KCNJ4: variants seen among roughly 807,000 people sequenced by gnomAD.
KCNJ4 encodes inward rectifier potassium channel 4.
Under a neutral mutation model 25.6 loss-of-function variants are expected in KCNJ4, and 3 were observed. The ratio of observed to expected loss-of-function variants is 0.12; its 90% CI spans 0.05 to 0.30. The LOEUF (loss-of-function observed/expected upper bound fraction) is 0.30. Among genes scored for constraint, KCNJ4 ranks in the 10% least tolerant of loss-of-function variants. KCNJ4 has a pLI of 1.00. For synonymous variants in KCNJ4, 257 were observed against 283.9 expected, an observed-to-expected ratio of 0.91 and a Z score of 0.95; for missense variants, 286 against 666.8, an observed-to-expected ratio of 0.43 and a Z score of 6.29.
At position 38,427,143 on chromosome 22, in the gene KCNJ4, C is replaced by T. The variant is rs1399379554; in HGVS notation, c.990G>A (p.Lys330=). The T allele has an allele frequency of 1.2e-6, 2 of 1,613,138 alleles. No homozygotes were observed. The highest frequency in any genetic ancestry group is 2.2e-5 in the East Asian group (1 of 44,858). Residue 330 remains lysine, a synonymous_variant, in exon 2 of 2, where the codon AAG becomes AAA. Coordinates refer to ENST00000303592, the MANE Select transcript of KCNJ4 (RefSeq NM_152868.3). ...PVVFEEKSHY[K]VDYSRFHKTY... is the part of the protein sequence containing the mutation. ...TCTTGTGAAAACGTGAGTAGTCCAC[C>T]TTGTAGTGGCTCTTCTCCTCGAAGA... is the stretch of plus-strand genomic sequence containing the variant.
intron 1 of KCNJ4, among the ~76,000 whole-genome samples, chr22:38,432,779 A>G (rs2093054161): frequency 6.6e-6 from 1 of 151,948 alleles, no homozygotes; most frequent in South Asian, 2.1e-4. Context: ...GACCAGCCTG[A>G]GCAACATGGC....
intron 1 of KCNJ4, among the ~76,000 whole-genome samples, chr22:38,450,857 A>G (rs1004843521): frequency 4.6e-5 from 7 of 152,080 alleles, no homozygotes; most frequent in Non-Finnish European, 7.4e-5. Context: ...GGGGGCGTCT[A>G]GACCATCTCC....
intron 1 of KCNJ4, among the ~76,000 whole-genome samples, chr22:38,428,473 G>T (rs1283384762): frequency 6.6e-6 from 1 of 152,176 alleles, no homozygotes; most frequent in Non-Finnish European, 1.5e-5. Context: ...TATGCTCACT[G>T]TTCTGGAAGC....
chr22:38,445,508 G>C (rs927734112), intron 1 of KCNJ4, among the ~76,000 whole-genome samples: 2 of 151,948 alleles, frequency 1.3e-5, no homozygotes, highest in African/African-American at 2.4e-5. Flanking sequence ...TTTAGAGACA[G>C]AGTCTTGCTC....
At position 38,429,083 on chromosome 22, in the gene KCNJ4, CAAAAAA is replaced by C. The variant is rs10582408; in HGVS notation, c.-39-918_-39-913del. Among the ~76,000 whole-genome samples, 251 of 108,854 alleles carry C rather than the reference CAAAAAA, an allele frequency of 2.3e-3. 2 individuals carry two copies. The highest frequency in any genetic ancestry group is 9.1e-3 in the Middle Eastern group (2 of 220). 71.4% of individuals were successfully genotyped at this position (108,854 alleles called of 152,430 possible). On this transcript the variant is annotated intron_variant, in intron 1 of 1. Transcript: ENST00000303592. ...TGGGTCACAGAGCAAGACCCCATGT[CAAAAAA>C]AAAAAAAAAAAAAAAAAGAAAGAAA...
At chr22:38,446,262 G>A (rs1012322559) in intron 1 of KCNJ4, among the ~76,000 whole-genome samples, 23 of 152,340 alleles carry the variant, frequency 1.5e-4, no homozygotes, top group Non-Finnish European at 2.4e-4. Context: ...TCAGGGAGCC[G>A]GGACAGCTCT....
At chr22:38,431,765 C>A (rs969422942) in intron 1 of KCNJ4, among the ~76,000 whole-genome samples, 2 of 152,200 alleles carry the variant, frequency 1.3e-5, no homozygotes, top group Non-Finnish European at 2.9e-5. Context: ...TCGAGGCTGA[C>A]CCGTGCAAGG....
At chr22:38,431,007 G>A (rs1169550044) in intron 1 of KCNJ4, among the ~76,000 whole-genome samples, 1 of 152,244 alleles carries the variant, frequency 6.6e-6, no homozygotes, top group Non-Finnish European at 1.5e-5. Context: ...GGCAAGGGAA[G>A]AGAAGAAACC....
chr22:38,444,394 C>T (rs553148167), intron 1 of KCNJ4, among the ~76,000 whole-genome samples: 1 of 152,320 alleles, frequency 6.6e-6, no homozygotes, highest in African/African-American at 2.4e-5. Flanking sequence ...CGGAGGTGGC[C>T]TCTGAGCAGT....
chr22:38,429,862 T>C (rs1036978640), intron 1 of KCNJ4, among the ~76,000 whole-genome samples: 1 of 152,218 alleles, frequency 6.6e-6, no homozygotes, highest in Admixed American at 6.5e-5. Context: ...TTCTGTTCTA[T>C]TCTTCTTCCT....
At chr22:38,433,473 C>T (rs1328731866) in intron 1 of KCNJ4, among the ~76,000 whole-genome samples, 4 of 151,982 alleles carry the variant, frequency 2.6e-5, no homozygotes, top group African/African-American at 9.7e-5. Flanking sequence ...AAAATAAACA[C>T]AAAAATTGAT....
rs1329730958 is a variant in KCNJ4 at position 38,439,854 on chromosome 22, G to T, written c.-39-11683C>A. The stretch of plus-strand genomic sequence containing the variant: ...GCCTGTAATCCCAGCACTTTGGGAG[G>T]CCAAGGCAGGCAGATCACGAGGTCA... On this transcript the variant is annotated intron_variant, in intron 1 of 1. Coordinates refer to ENST00000303592, the MANE Select transcript of KCNJ4 (RefSeq NM_152868.3). Among the ~76,000 whole-genome samples the T allele has an allele frequency of 2.0e-5, 3 of 149,534 alleles. No homozygotes were observed. In the South Asian group the frequency reaches 6.3e-4, roughly 32 times the overall value.
intron 1 of KCNJ4, among the ~76,000 whole-genome samples, chr22:38,429,132 G>A (rs908340609): frequency 1.3e-5 from 2 of 149,422 alleles, no homozygotes; most frequent in South Asian, 2.1e-4. Context: ...ACTGGGACCC[G>A]CAGCCCCACC....
chr22:38,429,577 C>T (rs947422541), intron 1 of KCNJ4, among the ~76,000 whole-genome samples: 32 of 152,224 alleles, frequency 2.1e-4, no homozygotes, highest in Non-Finnish European at 4.3e-4. Flanking sequence ...ACCCTCCTGC[C>T]TTCCTTCCCA....
chr22:38,433,844 G>T (rs1219318349), intron 1 of KCNJ4, among the ~76,000 whole-genome samples: 2 of 152,166 alleles, frequency 1.3e-5, no homozygotes, highest in African/African-American at 4.8e-5. Context: ...CCTCCTGGGG[G>T]TCCAGAGGAG....
intron 1 of KCNJ4, among the ~76,000 whole-genome samples, chr22:38,429,999 C>G (rs896826246): frequency 1.3e-5 from 2 of 152,198 alleles, no homozygotes; most frequent in East Asian, 3.8e-4. Flanking sequence ...CTGCCTCTTC[C>G]CAAGAGAAAC....
intron 1 of KCNJ4, among the ~76,000 whole-genome samples, chr22:38,439,910 G>A (rs1476186065): frequency 2.7e-5 from 4 of 150,286 alleles, no homozygotes; most frequent in African/African-American, 4.9e-5. Flanking sequence ...CTAACACGGT[G>A]AAACCCCGTC....
intron 1 of KCNJ4, among the ~76,000 whole-genome samples, chr22:38,433,861 A>G (rs921615898): frequency 7.9e-5 from 12 of 152,208 alleles, no homozygotes; most frequent in Admixed American, 6.5e-5. Flanking sequence ...GGAGGCAGGA[A>G]GACCACCCCA....
At chr22:38,441,918 CAAGATGTATTTTT>C (rs1362337661) in intron 1 of KCNJ4, among the ~76,000 whole-genome samples, 2 of 152,284 alleles carry the variant, frequency 1.3e-5, no homozygotes, top group East Asian at 1.9e-4. Flanking sequence ...TGTAGGTCTT[CAAGATGTATTTTT>C]AAGCAAAAGA....
Sources: gnomAD v4.1 joint callset for allele counts (sites outside exome capture counted in the v4.1 genomes callset) on GRCh38, gnomAD v4.1.1 for gene constraint, MANE v1.5 for transcripts, NCBI Gene and HGNC (gene_info 2026-07-23, HGNC 2026-07-21) for gene names.